Variants in DNAH12 observed in about 807,000 individuals in gnomAD.
DNAH12 encodes the protein axonemal beta dynein heavy chain 12.
Under a neutral mutation model 371.5 loss-of-function variants are expected in DNAH12, and 285 were observed. That is an observed-to-expected ratio of 0.77 (90% CI 0.70 to 0.85). The LOEUF (loss-of-function observed/expected upper bound fraction) is 0.85. Ranked by LOEUF, DNAH12 falls within the 40% of genes least tolerant of loss-of-function variation. The pLI is 0.00. For missense variants in DNAH12, 3,611 were observed against 3,689.4 expected, an observed-to-expected ratio of 0.98 and a Z score of 0.55; for synonymous variants, 1,200 against 1,213.0, an observed-to-expected ratio of 0.99 and a Z score of 0.22.
At chr3:57,526,023 A>G (rs6445906) in intron 2 of DNAH12, among the ~76,000 whole-genome samples, 40,606 of 151,898 alleles carry the variant, frequency 0.27, 7,429 homozygotes, top group African/African-American at 0.51. Flanking sequence ...TCGGCCTCCC[A>G]AAGTGCTGGG....
intron 13 of DNAH12, among the ~76,000 whole-genome samples, chr3:57,478,603 A>G (rs979208427): frequency 3.9e-5 from 6 of 152,098 alleles, no homozygotes; most frequent in Non-Finnish European, 7.3e-5. Flanking sequence ...GAGAAGAGCA[A>G]CTCCAAGAAA....
In DNAH12 at chr3:57,405,875, TGAAAAATCACGCAA is replaced by T; in HGVS notation, c.6340_6353del (p.Leu2114ThrfsTer10). 6.4e-7 allele frequency: 1 copy of T among 1,551,372 alleles called. No individual in the cohort carries two copies. Among genetic ancestry groups the T allele is most frequent in the Non-Finnish European group, 8.7e-7 (1 of 1,146,716 alleles). On this transcript the variant is annotated frameshift_variant, in exon 41 of 74. Coordinates refer to ENST00000495027, the MANE Select transcript of DNAH12 (RefSeq NM_001366028.2). LOFTEE classifies it high-confidence loss of function. ...TGAGTAAACAGCCCCGGATGACGCG[TGAAAAATCACGCAA>T]GTTGAAAGTATAATGGGATTTTGTG... is the stretch of plus-strand genomic sequence containing the variant.
chr3:57,487,053 A>G (rs1402551326), intron 12 of DNAH12, among the ~76,000 whole-genome samples: 1 of 152,172 alleles, frequency 6.6e-6, no homozygotes, highest in Non-Finnish European at 1.5e-5. Context: ...TAAGCTTGGC[A>G]TACTTTAGGA....
rs919637567 is a variant in DNAH12 at position 57,309,201 on chromosome 3, A to C, written c.11139T>G (p.Tyr3713Ter). The change falls in exon 69 of 74, where the codon TAT becomes TAG. Residue 3713 changes from tyrosine to a stop codon, truncating the protein, a stop_gained. Coordinates refer to ENST00000495027, the MANE Select transcript of DNAH12 (RefSeq NM_001366028.2). LOFTEE classifies it high-confidence loss of function. ...CTAACACAGTATTCATGCTTTCTTC[A>C]TATCTCACAGGATACTTCCGTAGTG... is the stretch of plus-strand genomic sequence containing the variant. Reference protein sequence around the residue: ...EMALRKYPVRYEESMNTVLVQ... With the variant: ...EMALRKYPVR 1.9e-6 allele frequency: 3 copies of C among 1,550,506 alleles called. No individual in the cohort carries two copies. Among genetic ancestry groups the C allele is most frequent in the African/African-American group, 1.4e-5 (1 of 73,014 alleles).
chr3:57,539,875 C>T (rs939328467), intron 2 of DNAH12, among the ~76,000 whole-genome samples: 2 of 152,012 alleles, frequency 1.3e-5, no homozygotes, highest in African/African-American at 4.8e-5. Context: ...CTCAGCCTCC[C>T]AAAGTGCTGG....
At chr3:57,531,557 T>C (rs2068848258) in intron 2 of DNAH12, among the ~76,000 whole-genome samples, 1 of 151,876 alleles carries the variant, frequency 6.6e-6, no homozygotes, top group Non-Finnish European at 1.5e-5. Context: ...AGGTTAGGAG[T>C]TCGAGACCAA....
chr3:57,307,511 C>T lies in DNAH12; in HGVS notation c.11189+1640G>A, dbSNP rs1157258683. 5.9e-5 allele frequency among the ~76,000 whole-genome samples: 9 copies of T among 152,218 alleles called. No homozygotes were observed. In the South Asian group the frequency reaches 1.9e-3, roughly 31 times the overall value. ...TGACCTTACTGTTTTGCCTAGCCCTCAAGTCTGCGTGCAGTGGCCGCCACC... is the reference window on the plus strand; with the variant it reads ...TGACCTTACTGTTTTGCCTAGCCCTTAAGTCTGCGTGCAGTGGCCGCCACC... On this transcript the variant is annotated intron_variant, in intron 69 of 73. Coordinates refer to ENST00000495027, the MANE Select transcript of DNAH12 (RefSeq NM_001366028.2).
intron 55 of DNAH12, among the ~76,000 whole-genome samples, chr3:57,370,503 GA>G (rs2063148196): frequency 2.0e-5 from 3 of 152,152 alleles, no homozygotes; most frequent in Non-Finnish European, 4.4e-5. Flanking sequence ...TCCAGAGTCT[GA>G]ACTGCTCTCA....
chr3:57,534,495 T>A (rs1263047640), intron 2 of DNAH12, among the ~76,000 whole-genome samples: 1 of 149,300 alleles, frequency 6.7e-6, no homozygotes, highest in Non-Finnish European at 1.5e-5. Flanking sequence ...TAGCCCAATT[T>A]ATTGTTAGCT....
chr3:57,353,146 G>A (rs1452378512), intron 59 of DNAH12, among the ~76,000 whole-genome samples: 1 of 58,302 alleles, frequency 1.7e-5, no homozygotes, highest in African/African-American at 1.1e-4. Flanking sequence ...GTTACTGGGT[G>A]GAGTTGACTG....
chr3:57,445,646 AT>A (rs1434060723), intron 27 of DNAH12, among the ~76,000 whole-genome samples: 1 of 152,048 alleles, frequency 6.6e-6, no homozygotes, highest in East Asian at 1.9e-4. Context: ...ATGGAAAAAA[AT>A]CATTTTGAAT....
chr3:57,508,286 T>A, intron 7 of DNAH12, 96 bp downstream of exon 7: 2 of 1,134,994 alleles, frequency 1.8e-6, no homozygotes, highest in Non-Finnish European at 2.4e-6. Flanking sequence ...TAGAGAAAAG[T>A]GTTGAAGATT....
intron 55 of DNAH12, among the ~76,000 whole-genome samples, chr3:57,368,492 T>C (rs2153334438): frequency 7.4e-6 from 1 of 134,986 alleles, no homozygotes; most frequent in East Asian, 1.9e-4. Flanking sequence ...CTGCCCAAGG[T>C]CCCAAGGTTC....
rs1050914067 is a variant in DNAH12, at chr3:57,444,929, A to G, written c.4426-113T>C. 3.2e-5 allele frequency: 41 copies of G among 1,277,508 alleles called. No individual in the cohort carries two copies. The African/African-American group carries it at 5.2e-4, about 16-fold the overall frequency. 79.1% of individuals were successfully genotyped at this position (1,277,508 alleles called of 1,614,324 possible). A position where few individuals can be genotyped will look rare whatever the true frequency, so the allele number is the denominator to read the frequency against. On this transcript the variant is annotated intron_variant, in intron 28 of 73. Transcript: ENST00000495027. ...CACCCCACCCCCCTGGCTAAAAGTC[A>G]AAGTTTATTTTACATTGCTCTCTGG...
At chr3:57,495,730 T>C (rs1242905320) in intron 11 of DNAH12, among the ~76,000 whole-genome samples, 2 of 145,052 alleles carry the variant, frequency 1.4e-5, no homozygotes, top group Non-Finnish European at 3.0e-5. Flanking sequence ...TGAGATTATA[T>C]ATAAATATAT....
rs2064853818 is a variant in DNAH12 at position 57,428,518 on chromosome 3, T to C, written c.5253+115A>G. ...TATAAAACCAACGGTGGATAGTAAA[T>C]GCATAAGGACAAACTGGTTTTAGTT... On this transcript the variant is annotated intron_variant, in intron 34 of 73. Coordinates refer to ENST00000495027, the MANE Select transcript of DNAH12 (RefSeq NM_001366028.2). 12 of 1,524,982 alleles carry C rather than the reference T, an allele frequency of 7.9e-6. No individual in the cohort carries two copies. In the South Asian group the frequency reaches 1.4e-4, roughly 18 times the overall value. The allele number at this position is 1,524,982 out of a possible 1,614,324, so 94.5% of individuals were successfully genotyped here.
intron 37 of DNAH12, among the ~76,000 whole-genome samples, chr3:57,416,110 G>A (rs762970636): frequency 2.0e-5 from 3 of 151,828 alleles, no homozygotes; most frequent in Non-Finnish European, 4.4e-5. Flanking sequence ...TTGAGATAAG[G>A]TTTCACTCTG....
At chr3:57,375,298 C>A (rs952777766) in intron 55 of DNAH12, 73 bp downstream of exon 55, 4 of 152,106 alleles carry the variant, frequency 2.6e-5, no homozygotes, top group East Asian at 1.9e-4. Flanking sequence ...TGATAAAATT[C>A]TTTCAACGTT....
intron 5 of DNAH12, among the ~76,000 whole-genome samples, chr3:57,509,569 C>G (rs760652382): frequency 6.6e-6 from 1 of 151,858 alleles, no homozygotes; most frequent in Non-Finnish European, 1.5e-5. Context: ...CAAGAGATTA[C>G]GCGACATGGA....
Sources: gnomAD v4.1 joint callset for allele counts (sites outside exome capture counted in the v4.1 genomes callset) on GRCh38, gnomAD v4.1.1 for gene constraint, MANE v1.5 for transcripts, NCBI Gene and HGNC (gene_info 2026-07-23, HGNC 2026-07-21) for gene names.